DRD3: variants seen among roughly 807,000 people sequenced by gnomAD.
The protein encoded by DRD3 is D(3) dopamine receptor.
DRD3 carries 19 observed loss-of-function variants against 36.3 expected under a neutral mutation model. The ratio of observed to expected loss-of-function variants is 0.52; its 90% CI spans 0.36 to 0.77. The LOEUF (loss-of-function observed/expected upper bound fraction) is 0.77, where lower values mean the gene tolerates loss of function less well. Ranked by LOEUF, DRD3 falls within the 30% of genes least tolerant of loss-of-function variation. The pLI is 0.00. For missense variants in DRD3, 465 were observed against 505.3 expected (o/e 0.92, Z 0.77); for synonymous variants, 195 against 203.7 (o/e 0.96, Z 0.36).
At position 114,189,565 on chromosome 3, in the gene DRD3, T is replaced by C. The variant is rs1204548738; in HGVS notation, c.-156+9708A>G. 3.3e-5 allele frequency among the ~76,000 whole-genome samples: 5 copies of C among 152,224 alleles called. No individual in the cohort carries two copies. In the South Asian group the frequency reaches 1.0e-3, roughly 32 times the overall value. The stretch of plus-strand genomic sequence containing the variant: ...GCCGCAGACTAGGAAACTGACTTAA[T>C]AAAGGCATAGAGATGGAAAATTGGT... On this transcript the variant is annotated intron_variant, in intron 1 of 7. Transcript: ENST00000460779.
intron 3 of DRD3, among the ~76,000 whole-genome samples, chr3:114,155,760 G>T (rs2107858649): frequency 6.6e-6 from 1 of 152,160 alleles, no homozygotes; most frequent in South Asian, 2.1e-4. Flanking sequence ...ACTCTCAAGA[G>T]GGAAGAGAGG....
chr3:114,131,192 T>C lies in DRD3; in HGVS notation c.932A>G (p.Lys311Arg), dbSNP rs1472202736. 6.2e-7 allele frequency: 1 copy of C among 1,614,216 alleles called. No homozygotes were observed. The highest frequency in any genetic ancestry group is 8.5e-7 in the Non-Finnish European group (1 of 1,180,036). Residue 311 changes from lysine (K) to arginine (R), a missense_variant, in exon 6 of 7, where the codon AAG becomes AGG. By Grantham distance (26) the Lys-to-Arg change is conservative. Transcript: ENST00000383673. The stretch of plus-strand genomic sequence containing the variant: ...TCCCCGAGGTTGCAGGGGCCCCAGC[T>C]TCAAAGATGTCGATAATCTGCCATT... ...LSNGRLSTSL[K>R]LGPLQPRGVP...
intron 3 of DRD3, among the ~76,000 whole-genome samples, chr3:114,156,716 TC>T (rs1281443242): frequency 8.8e-3 from 10 of 1,138 alleles, no homozygotes; most frequent in Non-Finnish European, 0.057. Flanking sequence ...GGCTTGCCTG[TC>T]TTTCTTTCTT....
intron 5 of DRD3, among the ~76,000 whole-genome samples, chr3:114,132,567 G>T (rs932279792): frequency 7.2e-5 from 8 of 111,240 alleles, no homozygotes; most frequent in Non-Finnish European, 1.6e-4. Flanking sequence ...AGAACTTAAA[G>T]TAAAAAAAAA....
Position 114,159,754 on chromosome 3 carries a change from C to A in DRD3, c.383+1G>T. The A allele has an allele frequency of 2.5e-6, 4 of 1,613,476 alleles. No homozygotes were observed. In the South Asian group the frequency reaches 4.4e-5, roughly 18 times the overall value. On this transcript the variant is annotated splice_donor_variant, in intron 3 of 6. Transcript: ENST00000383673. LOFTEE classifies it high-confidence loss of function. ...ACCTGGAAGGGGAATTGCAGCCCTA[C>A]CTGTCTATGCTGATGGCACAGAGAT...
At chr3:114,196,456 A>C (rs1042480641) in intron 1 of DRD3, among the ~76,000 whole-genome samples, 1 of 152,168 alleles carries the variant, frequency 6.6e-6, no homozygotes, top group Non-Finnish European at 1.5e-5. Flanking sequence ...CTGGGACCAC[A>C]TGCTCACATC....
intron 3 of DRD3, among the ~76,000 whole-genome samples, chr3:114,154,393 G>C (rs905167473): frequency 1.1e-4 from 16 of 152,052 alleles, no homozygotes; most frequent in African/African-American, 3.6e-4. Flanking sequence ...GAAGCTAGCA[G>C]TCCAGGAGGA....
At position 114,146,709 on chromosome 3, in the gene DRD3, A is replaced by AAG. The variant is rs537094180; in HGVS notation, c.526+705_526+706insCT. 5.3e-5 allele frequency among the ~76,000 whole-genome samples: 8 copies of AAG among 151,150 alleles called. No homozygotes were observed. In the South Asian group the frequency reaches 1.7e-3, roughly 31 times the overall value. ...ATGAGACTTGGTCTCAAAAAAAAAA[A>AAG]AAAAAGAAAAAGAAAAAGAAAAAAA... is the stretch of plus-strand genomic sequence containing the variant. On this transcript the variant is annotated intron_variant, in intron 4 of 6. Coordinates refer to ENST00000383673, the MANE Select transcript of DRD3 (RefSeq NM_000796.6).
chr3:114,198,987 C>T (rs1365944605), intron 1 of DRD3, among the ~76,000 whole-genome samples: 1 of 152,136 alleles, frequency 6.6e-6, no homozygotes, highest in South Asian at 2.1e-4. Context: ...TCAAGGGATA[C>T]ACTCACTTCA....
chr3:114,135,687 T>G (rs1310341758), intron 5 of DRD3, among the ~76,000 whole-genome samples: 3 of 152,036 alleles, frequency 2.0e-5, no homozygotes, highest in Non-Finnish European at 4.4e-5. Context: ...TGTTTTTTTT[T>G]GTTGTTGTTT....
At chr3:114,163,794 G>A (rs1197890748) in intron 2 of DRD3, among the ~76,000 whole-genome samples, 1 of 152,132 alleles carries the variant, frequency 6.6e-6, no homozygotes, top group East Asian at 1.9e-4. Context: ...GTGTGAATGG[G>A]TATGGGTGAA....
chr3:114,147,769 G>A (rs564495124), intron 3 of DRD3, among the ~76,000 whole-genome samples: 32 of 152,092 alleles, frequency 2.1e-4, no homozygotes, highest in African/African-American at 7.5e-4. Context: ...TGCCTGTGCC[G>A]CCACCACGCC....
At chr3:114,170,265 C>T (rs2077826852) in intron 2 of DRD3, among the ~76,000 whole-genome samples, 1 of 152,102 alleles carries the variant, frequency 6.6e-6, no homozygotes, top group African/African-American at 2.4e-5. Flanking sequence ...ATGGTATTAG[C>T]AGGAATAGCC....
intron 4 of DRD3, 63 bp downstream of exon 4, chr3:114,147,346 AACTCAC>A (rs2077577689): frequency 1.3e-6 from 2 of 1,566,988 alleles, no homozygotes; most frequent in African/African-American, 2.7e-5. Flanking sequence ...GGCTGAGCAC[AACTCAC>A]AGCCAGTCAT....
At chr3:114,142,176 C>T (rs980292869) in intron 4 of DRD3, among the ~76,000 whole-genome samples, 6 of 151,588 alleles carry the variant, frequency 4.0e-5, no homozygotes, top group Non-Finnish European at 8.8e-5. Flanking sequence ...GGTGGCAGTG[C>T]GTGGTCTTTC....
At chr3:114,158,323 T>C (rs1472609720) in intron 3 of DRD3, among the ~76,000 whole-genome samples, 1 of 152,068 alleles carries the variant, frequency 6.6e-6, no homozygotes, top group Non-Finnish European at 1.5e-5. Flanking sequence ...AATTACACAC[T>C]TTGAGTGGAT....
In DRD3 at chr3:114,127,824, G is replaced by A. The variant is rs1046896907; in HGVS notation, c.*892C>T. Among the ~76,000 whole-genome samples the A allele has an allele frequency of 5.9e-5, 9 of 152,164 alleles. No homozygotes were observed. The highest frequency in any genetic ancestry group is 2.6e-4 in the Admixed American group (4 of 15,272). ...TATGTGGTCCACTGTTGCCCAAAAT[G>A]TCATGATGTGGTCCACTATATTGGG... is the stretch of plus-strand genomic sequence containing the variant. On this transcript the variant is annotated 3_prime_UTR_variant, in exon 7 of 7. Coordinates refer to ENST00000383673, the MANE Select transcript of DRD3 (RefSeq NM_000796.6).
chr3:114,170,910 G>C (rs1358127665), intron 2 of DRD3, among the ~76,000 whole-genome samples: 1 of 152,062 alleles, frequency 6.6e-6, no homozygotes, highest in Non-Finnish European at 1.5e-5. Context: ...TTAAGTAATT[G>C]CATGTTTTCC....
chr3:114,139,707 G>C lies in DRD3; in HGVS notation c.527-11C>G. ...AGACAGTGGGGTCCCCTGTGGATGAGAAGGGGGAAGGTAAAGCAGTTAGCA... is the reference window on the plus strand; with the variant it reads ...AGACAGTGGGGTCCCCTGTGGATGACAAGGGGGAAGGTAAAGCAGTTAGCA... On this transcript the variant is annotated splice_polypyrimidine_tract_variant and intron_variant, in intron 4 of 6. Transcript: ENST00000383673. The C allele has an allele frequency of 6.2e-7, 1 of 1,612,966 alleles. No individual in the cohort carries two copies. The highest frequency in any genetic ancestry group is 1.7e-5 in the Admixed American group (1 of 60,000).
Sources: allele counts gnomAD v4.1 joint callset (sites outside exome capture counted in the v4.1 genomes callset), GRCh38; gene constraint gnomAD v4.1.1; transcripts MANE v1.5; gene names NCBI Gene and HGNC (gene_info 2026-07-23, HGNC 2026-07-21).